ZNF138: variants seen among roughly 807,000 people sequenced by gnomAD.
ZNF138 encodes the protein zinc finger protein 138.
A neutral mutation model predicts 33.0 loss-of-function variants in ZNF138; 33 were observed. The observed-to-expected ratio is 1.00, with a 90% confidence interval of 0.76 to 1.34. ZNF138 has a LOEUF of 1.34. ZNF138 is among the 40% of genes most tolerant of loss of function. The pLI is 0.00. For missense variants in ZNF138, 360 were observed against 370.8 expected (o/e 0.97, Z 0.24); for synonymous variants, 139 against 120.4 (o/e 1.15, Z -1.01).
intron 1 of ZNF138, among the ~76,000 whole-genome samples, chr7:64,798,145 T>C (rs1305876797): frequency 1.3e-5 from 2 of 152,194 alleles, no homozygotes; most frequent in African/African-American, 4.8e-5. Flanking sequence ...TTTGCCATAT[T>C]GGCCAGGGTG....
chr7:64,852,196 A>C, the ZNF138 span, among the ~76,000 whole-genome samples: 1 of 152,234 alleles, frequency 6.6e-6, no homozygotes, highest in Non-Finnish European at 1.5e-5. Context: ...CCTCAAGATT[A>C]GGTGCATCTT....
At chr7:64,827,279 A>C (rs1449789009) in intron 3 of ZNF138, among the ~76,000 whole-genome samples, 4 of 146,892 alleles carry the variant, frequency 2.7e-5, no homozygotes, top group African/African-American at 5.1e-5. Flanking sequence ...ACAGAGTCTC[A>C]CTCTGTCACC....
chr7:64,821,386 G>A (rs1220751024), intron 3 of ZNF138, among the ~76,000 whole-genome samples: 1 of 151,284 alleles, frequency 6.6e-6, no homozygotes, highest in Non-Finnish European at 1.5e-5. Context: ...ACGGTGCCCA[G>A]CCTAGGTAAT....
chr7:64,807,947 C>CT (rs1488905219), intron 1 of ZNF138, among the ~76,000 whole-genome samples: 4 of 152,204 alleles, frequency 2.6e-5, no homozygotes, highest in African/African-American at 9.6e-5. Context: ...GTATTCTTGT[C>CT]TTTCATTTTA....
At chr7:64,828,142 T>C (rs1185574111) in intron 3 of ZNF138, among the ~76,000 whole-genome samples, 1 of 151,656 alleles carries the variant, frequency 6.6e-6, no homozygotes, top group East Asian at 1.9e-4. Flanking sequence ...GAGAAAAAAC[T>C]TTTGGATTTG....
intron 3 of ZNF138, among the ~76,000 whole-genome samples, chr7:64,830,778 C>T (rs1790019026): frequency 1.3e-5 from 2 of 152,058 alleles, no homozygotes; most frequent in Non-Finnish European, 1.5e-5. Context: ...TTTGTCCTGG[C>T]AAAGTCTGAG....
chr7:64,850,382 T>C, the ZNF138 span, among the ~76,000 whole-genome samples: 1 of 152,244 alleles, frequency 6.6e-6, no homozygotes, highest in African/African-American at 2.4e-5. Context: ...ATTCCTGCAG[T>C]ACTTCTGGAG....
intron 2 of ZNF138, 135 bp downstream of exon 2, chr7:64,815,179 T>G (rs951187305): frequency 2.1e-6 from 2 of 967,706 alleles, no homozygotes; most frequent in Non-Finnish European, 2.8e-6. Flanking sequence ...AAAGAATCTT[T>G]GAGATTTGTC....
At chr7:64,853,185 C>T in the ZNF138 span, 4 of 1,591,504 alleles carry the variant, frequency 2.5e-6, no homozygotes, top group Non-Finnish European at 3.4e-6. Context: ...CATAAAGGCT[C>T]CCAGAAACTG....
At chr7:64,843,870 G>C in the ZNF138 span, among the ~76,000 whole-genome samples, 1 of 151,630 alleles carries the variant, frequency 6.6e-6, no homozygotes, top group African/African-American at 2.4e-5. Flanking sequence ...CTGTCACCAG[G>C]CTGGAGTGCA....
chr7:64,827,971 C>T (rs139108792), intron 3 of ZNF138, among the ~76,000 whole-genome samples: 211 of 152,198 alleles, frequency 1.4e-3, no homozygotes, highest in African/African-American at 4.8e-3. Flanking sequence ...CGATATAATT[C>T]TCTGTTTGCC....
At chr7:64,846,878 T>A in the ZNF138 span, among the ~76,000 whole-genome samples, 1 of 152,184 alleles carries the variant, frequency 6.6e-6, no homozygotes, top group Non-Finnish European at 1.5e-5. Flanking sequence ...CCCCATTCAC[T>A]ATTATGCTGG....
chr7:64,805,412 A>AAAACAAAC (rs763227725), intron 1 of ZNF138, among the ~76,000 whole-genome samples: 8 of 3,328 alleles, frequency 2.4e-3, no homozygotes, highest in African/African-American at 4.2e-3. Context: ...AAAACAAAAC[A>AAAACAAAC]AAAAAAAAAA....
intron 1 of ZNF138, among the ~76,000 whole-genome samples, chr7:64,801,379 TCAAA>T (rs1483274545): frequency 6.6e-6 from 1 of 152,234 alleles, no homozygotes; most frequent in African/African-American, 2.4e-5. Flanking sequence ...CTCATTTGTT[TCAAA>T]GAGCTTTTTG....
intron 1 of ZNF138, among the ~76,000 whole-genome samples, chr7:64,797,870 A>G (rs141263554): frequency 7.9e-5 from 12 of 152,328 alleles, no homozygotes; most frequent in African/African-American, 2.9e-4. Context: ...AGGGAGGAGC[A>G]AAAAAGATTA....
chr7:64,841,010 A>T, the ZNF138 span, among the ~76,000 whole-genome samples: 21 of 151,870 alleles, frequency 1.4e-4, no homozygotes, highest in South Asian at 4.1e-4. Flanking sequence ...CTTTTTTTTT[A>T]AATTTATTAC....
chr7:64,813,942 T>C (rs1788398565), intron 1 of ZNF138: 1 of 838,470 alleles, frequency 1.2e-6, no homozygotes, highest in South Asian at 3.3e-5. Flanking sequence ...ATTAAGTATC[T>C]TTATGCTGCT....
chr7:64,852,296 T>C, the ZNF138 span: 3 of 786,518 alleles, frequency 3.8e-6, no homozygotes, highest in South Asian at 3.1e-5. Context: ...GATATGTAGA[T>C]ACAGTGAGAT....
rs534629960 is a variant in ZNF138, at chr7:64,822,608, G to T, written c.208+6955G>T. Reference sequence around the variant, plus strand: ...AGATCATTTGATCATATATAGAAGGGTTCATTTCTGGGCTGTCTTGTTCTT... The same window carrying T: ...AGATCATTTGATCATATATAGAAGGTTTCATTTCTGGGCTGTCTTGTTCTT... On this transcript the variant is annotated intron_variant, in intron 3 of 3. Coordinates refer to ENST00000307355, the MANE Select transcript of ZNF138 (RefSeq NM_001271639.2). 1.5e-4 allele frequency among the ~76,000 whole-genome samples: 22 copies of T among 147,424 alleles called. 1 individual carries two copies. The Middle Eastern group carries it at 0.01, about 69-fold the overall frequency.
Sources: allele counts gnomAD v4.1 joint callset (sites outside exome capture counted in the v4.1 genomes callset), GRCh38; gene constraint gnomAD v4.1.1; transcripts MANE v1.5; gene names NCBI Gene and HGNC (gene_info 2026-07-23, HGNC 2026-07-21).